The following SAXO1 variants were observed in gnomAD, a reference collection of about 807,000 sequenced individuals.
SAXO1 encodes the protein stabilizer of axonemal microtubules 1, also known as 4930500O09Rik.
A neutral mutation model predicts 17.5 loss-of-function variants in SAXO1; 21 were observed. The ratio of observed to expected loss-of-function variants is 1.20; its 90% confidence interval spans 0.85 to 1.72. The LOEUF (loss-of-function observed/expected upper bound fraction) is 1.72. SAXO1 is among the 40% of genes most tolerant of loss of function. The pLI is 0.00. For synonymous variants in SAXO1, 274 were observed against 216.5 expected, an observed-to-expected ratio of 1.27 and a Z score of -2.33; for missense variants, 843 against 596.0, an observed-to-expected ratio of 1.41 and a Z score of -4.32.
chr9:19,047,306 G>A (rs1325127328), intron 1 of SAXO1, among the ~76,000 whole-genome samples: 1 of 152,192 alleles, frequency 6.6e-6, no homozygotes, highest in Admixed American at 6.5e-5. Context: ...GGAGGTTGCA[G>A]TGAGCCAAGA....
chr9:18,986,335 A>G (rs1163101742), intron 1 of SAXO1, among the ~76,000 whole-genome samples: 1 of 152,256 alleles, frequency 6.6e-6, no homozygotes, highest in Non-Finnish European at 1.5e-5. Flanking sequence ...GCAGGAATTT[A>G]TCACCCTTAG....
At chr9:18,955,621 T>C (rs188136377) in intron 1 of SAXO1, among the ~76,000 whole-genome samples, 107 of 152,346 alleles carry the variant, frequency 7.0e-4, no homozygotes, top group Non-Finnish European at 1.6e-4. Context: ...TCATATGGCA[T>C]AATCAGAGGC....
At chr9:19,004,147 T>C (rs1834397371) in intron 1 of SAXO1, among the ~76,000 whole-genome samples, 1 of 152,216 alleles carries the variant, frequency 6.6e-6, no homozygotes, top group Non-Finnish European at 1.5e-5. Context: ...TCATCATCAC[T>C]GGTCATTAGA....
intron 1 of SAXO1, among the ~76,000 whole-genome samples, chr9:19,017,295 T>C (rs1178053878): frequency 6.6e-6 from 1 of 152,240 alleles, no homozygotes; most frequent in East Asian, 1.9e-4. Flanking sequence ...GCTAACTTCC[T>C]GAATGACAGG....
At chr9:18,965,173 C>G (rs1351530501) in intron 1 of SAXO1, among the ~76,000 whole-genome samples, 1 of 152,024 alleles carries the variant, frequency 6.6e-6, no homozygotes, top group Non-Finnish European at 1.5e-5. Context: ...GTTTTACTTC[C>G]AATTATGTGG....
upstream of SAXO1, among the ~76,000 whole-genome samples, chr9:19,036,384 G>T (rs2095545): frequency 0.35 from 53,152 of 151,870 alleles, 10,072 homozygotes; most frequent in East Asian, 0.41. Flanking sequence ...AAGACAATGG[G>T]GAAAATGTCT....
At chr9:19,030,701 TA>T (rs762370136) in intron 1 of SAXO1, among the ~76,000 whole-genome samples, 1 of 150,628 alleles carries the variant, frequency 6.6e-6, no homozygotes, top group African/African-American at 2.4e-5. Flanking sequence ...CTCAAAAAAA[TA>T]AAAAAAATAA....
At chr9:19,028,885 G>C (rs1187661952) in intron 1 of SAXO1, among the ~76,000 whole-genome samples, 1 of 152,172 alleles carries the variant, frequency 6.6e-6, no homozygotes, top group Non-Finnish European at 1.5e-5. Context: ...ACTTTCCTGA[G>C]CTCTGCTGGA....
At chr9:19,010,635 A>C (rs1834691979) in intron 1 of SAXO1, among the ~76,000 whole-genome samples, 1 of 152,174 alleles carries the variant, frequency 6.6e-6, no homozygotes, top group Non-Finnish European at 1.5e-5. Flanking sequence ...TTATATAGAA[A>C]TATATTATTT....
chr9:18,972,048 G>A (rs1341386255), intron 1 of SAXO1, among the ~76,000 whole-genome samples: 1 of 152,184 alleles, frequency 6.6e-6, no homozygotes, highest in African/African-American at 2.4e-5. Context: ...ATGTTTTCAT[G>A]AAAGTCAGAA....
chr9:18,997,556 T>C (rs1383485158), intron 1 of SAXO1, among the ~76,000 whole-genome samples: 2 of 152,212 alleles, frequency 1.3e-5, no homozygotes, highest in African/African-American at 2.4e-5. Flanking sequence ...CAAAAGGAAG[T>C]AGAGAGCTTC....
chr9:19,006,645 A>T (rs559221603), intron 1 of SAXO1, among the ~76,000 whole-genome samples: 1 of 152,336 alleles, frequency 6.6e-6, no homozygotes, highest in East Asian at 1.9e-4. Context: ...TTTTTGTTTA[A>T]ACAAGTACAG....
At chr9:19,021,057 A>C (rs1208613350) in intron 1 of SAXO1, among the ~76,000 whole-genome samples, 1 of 152,120 alleles carries the variant, frequency 6.6e-6, no homozygotes, top group Non-Finnish European at 1.5e-5. Context: ...ATTACCTAAA[A>C]CTGCTCTCCT....
chr9:18,986,664 A>G (rs186564658), intron 1 of SAXO1, among the ~76,000 whole-genome samples: 1 of 152,258 alleles, frequency 6.6e-6, no homozygotes, highest in Admixed American at 6.5e-5. Context: ...GACTGAAAGA[A>G]AAGTTTACCT....
At chr9:18,965,824 A>C (rs1832693869) in intron 1 of SAXO1, among the ~76,000 whole-genome samples, 2 of 152,142 alleles carry the variant, frequency 1.3e-5, no homozygotes, top group South Asian at 4.1e-4. Flanking sequence ...TAGTTGATGC[A>C]GTTTCTTCAT....
intron 2 of SAXO1, among the ~76,000 whole-genome samples, chr9:18,946,848 A>C (rs1831818805): frequency 6.6e-6 from 1 of 152,244 alleles, no homozygotes; most frequent in African/African-American, 2.4e-5. Flanking sequence ...TGAAACTGCA[A>C]AATATGTGAA....
intron 1 of SAXO1, among the ~76,000 whole-genome samples, chr9:18,968,101 G>A (rs1288346569): frequency 1.3e-5 from 2 of 152,220 alleles, no homozygotes; most frequent in African/African-American, 4.8e-5. Flanking sequence ...GTCCCAATGA[G>A]ACTAAGTGAG....
chr9:19,034,843 C>G (rs1490723356), upstream of SAXO1, among the ~76,000 whole-genome samples: 1 of 152,194 alleles, frequency 6.6e-6, no homozygotes, highest in Non-Finnish European at 1.5e-5. Flanking sequence ...TGGACACCAG[C>G]CTTCTCTTGA....
intron 1 of SAXO1, among the ~76,000 whole-genome samples, chr9:19,030,471 C>T (rs1373021285): frequency 1.3e-5 from 2 of 151,978 alleles, no homozygotes; most frequent in African/African-American, 4.8e-5. Context: ...CTTTTGGAGG[C>T]CAAGGTAGGT....
Sources: gnomAD v4.1 joint callset for allele counts (sites outside exome capture counted in the v4.1 genomes callset) on GRCh38, gnomAD v4.1.1 for gene constraint, MANE v1.5 for transcripts, NCBI Gene and HGNC (gene_info 2026-07-23, HGNC 2026-07-21) for gene names.